Variants in CLYBL observed in about 807,000 individuals in gnomAD.
CLYBL encodes the protein citramalyl-CoA lyase, mitochondrial.
CLYBL carries 31 observed loss-of-function variants against 38.9 expected under a neutral mutation model. The ratio of observed to expected loss-of-function variants is 0.80; its 90% CI spans 0.60 to 1.08. The LOEUF is 1.08. CLYBL is among the 50% of genes least tolerant of loss of function. The pLI is 0.00. For synonymous variants in CLYBL, 171 were observed against 158.6 expected, an observed-to-expected ratio of 1.08 and a Z score of -0.59; for missense variants, 434 against 411.6, an observed-to-expected ratio of 1.05 and a Z score of -0.47.
rs373168719 is a variant in CLYBL at position 99,674,801 on chromosome 13, A to G, written c.62+68044A>G. ...TATGTCCTGGGAACCAAGTGAAAAC[A>G]GTACAGCAAGTTGGGAGGGGGTGAT... On this transcript the variant is annotated intron_variant, in intron 1 of 8. Coordinates refer to ENST00000339105, the MANE Select transcript of CLYBL (RefSeq NM_206808.5). Among the ~76,000 whole-genome samples, 6 of 152,320 alleles carry G rather than the reference A, an allele frequency of 3.9e-5. No individual in the cohort carries two copies. The East Asian group carries it at 9.6e-4, about 24-fold the overall frequency.
intron 1 of CLYBL, among the ~76,000 whole-genome samples, chr13:99,753,461 C>T (rs969820111): frequency 1.3e-4 from 20 of 152,262 alleles, no homozygotes; most frequent in African/African-American, 4.8e-4. Flanking sequence ...GCGTGCAAGG[C>T]ACAGTTAACG....
chr13:99,844,833 C>A (rs1373550513), intron 2 of CLYBL, among the ~76,000 whole-genome samples: 2 of 152,226 alleles, frequency 1.3e-5, no homozygotes, highest in Non-Finnish European at 2.9e-5. Context: ...CGTGGGCATT[C>A]AAAGTCACTG....
rs71121003 is a variant in CLYBL, at chr13:99,754,087, CAAAAAAAAAAAAA to C, written c.63-18721_63-18709del. 1.3e-4 allele frequency among the ~76,000 whole-genome samples: 6 copies of C among 45,408 alleles called. 1 individual carries two copies. The highest frequency in any genetic ancestry group is 7.8e-4 in the Admixed American group (3 of 3,864). The allele number at this position is 45,408 out of a possible 152,430, so 29.8% of individuals were successfully genotyped here. On this transcript the variant is annotated intron_variant, in intron 1 of 8. Coordinates refer to ENST00000339105, the MANE Select transcript of CLYBL (RefSeq NM_206808.5). ...GGGCGACAAGAGCGAAACTCGGTCTCAAAAAAAAAAAAAAAAAAAAAAAAAAAAGTATTAGGAC... is the reference window on the plus strand; with the variant it reads ...GGGCGACAAGAGCGAAACTCGGTCTCAAAAAAAAAAAAAAAGTATTAGGAC...
At chr13:99,727,294 G>C (rs115344419) in intron 1 of CLYBL, 3 of 152,034 alleles carry the variant, frequency 2.0e-5, no homozygotes, top group African/African-American at 4.8e-5. Context: ...GATTTCTCTC[G>C]TCTTCCAAAT....
At chr13:99,737,788 G>A (rs896132894) in intron 1 of CLYBL, among the ~76,000 whole-genome samples, 3 of 152,218 alleles carry the variant, frequency 2.0e-5, no homozygotes, top group Non-Finnish European at 4.4e-5. Flanking sequence ...GTGCTAGGCT[G>A]TAAGCTGAAT....
intron 2 of CLYBL, among the ~76,000 whole-genome samples, chr13:99,775,198 C>T (rs1471201578): frequency 6.6e-6 from 1 of 152,142 alleles, no homozygotes; most frequent in African/African-American, 2.4e-5. Flanking sequence ...TTGAGGTTGT[C>T]CTCCAATACC....
intron 2 of CLYBL, among the ~76,000 whole-genome samples, chr13:99,777,341 A>G (rs1008158862): frequency 1.9e-4 from 29 of 152,218 alleles, no homozygotes; most frequent in Middle Eastern, 6.8e-3. Flanking sequence ...TTCTCCCTCA[A>G]TACCTCCACC....
intron 7 of CLYBL, among the ~76,000 whole-genome samples, chr13:99,881,152 G>A (rs138343853): frequency 0.011 from 1,614 of 152,292 alleles, 14 homozygotes; most frequent in Non-Finnish European, 0.012. Context: ...AGTGTCTTCC[G>A]TCTGAATTCC....
rs201987216 is a variant in CLYBL at position 99,832,999 on chromosome 13, CATACATACATATATATATATATAT to C, written c.250-25858_250-25835del. 1.0e-3 allele frequency among the ~76,000 whole-genome samples: 56 copies of C among 53,694 alleles called. 2 individuals are homozygous for C. In the East Asian group the frequency reaches 0.011, roughly 10 times the overall value. The allele number at this position is 53,694 out of a possible 152,430, so 35.2% of individuals were successfully genotyped here. ...CATTTCATTAAGTAGTATATACATA[CATACATACATATATATATATATAT>C]ATATATATTTTTTTTTTTTTTTTTT... On this transcript the variant is annotated intron_variant, in intron 2 of 8. Transcript: ENST00000339105.
chr13:99,861,971 G>A (rs1354051562), intron 3 of CLYBL, among the ~76,000 whole-genome samples: 2 of 152,112 alleles, frequency 1.3e-5, no homozygotes, highest in Non-Finnish European at 2.9e-5. Context: ...CCTGCAGGGT[G>A]GTGACCTGTG....
intron 1 of CLYBL, among the ~76,000 whole-genome samples, chr13:99,645,080 T>C (rs1174869014): frequency 1.3e-5 from 2 of 152,218 alleles, no homozygotes; most frequent in Non-Finnish European, 2.9e-5. Flanking sequence ...TTTTAGTTTT[T>C]TGAGGAACCT....
At chr13:99,621,696 C>G (rs2046799589) in intron 1 of CLYBL, among the ~76,000 whole-genome samples, 1 of 152,154 alleles carries the variant, frequency 6.6e-6, no homozygotes, top group African/African-American at 2.4e-5. Flanking sequence ...CCTGGGATGA[C>G]TTTGAATACG....
intron 7 of CLYBL, among the ~76,000 whole-genome samples, chr13:99,872,257 C>T (rs1051612735): frequency 2.0e-5 from 3 of 152,320 alleles, no homozygotes; most frequent in South Asian, 4.1e-4. Flanking sequence ...GAATATATTA[C>T]GTTGGAAATA....
At chr13:99,894,180 C>T (rs2052541518), downstream of CLYBL, 1 of 152,420 alleles carries the variant, frequency 6.6e-6, no homozygotes, top group South Asian at 2.1e-4. Flanking sequence ...GGTATTCCCC[C>T]TCTTTCCCCA....
At chr13:99,688,950 G>A (rs1566610501) in intron 1 of CLYBL, among the ~76,000 whole-genome samples, 1 of 152,140 alleles carries the variant, frequency 6.6e-6, no homozygotes. Context: ...AAAGCTAGTG[G>A]TACAGATGCA....
At chr13:99,876,069 C>T (rs1265485587) in intron 7 of CLYBL, among the ~76,000 whole-genome samples, 20 of 106,640 alleles carry the variant, frequency 1.9e-4, no homozygotes, top group African/African-American at 2.5e-4. Flanking sequence ...TTCTATTTCA[C>T]TTTTTTTTTT....
At chr13:99,753,085 A>T (rs761272993) in intron 1 of CLYBL, among the ~76,000 whole-genome samples, 4 of 152,022 alleles carry the variant, frequency 2.6e-5, no homozygotes, top group Non-Finnish European at 4.4e-5. Flanking sequence ...ACATGCTGAG[A>T]TCCAGAAGAG....
At chr13:99,835,435 G>A (rs979504589) in intron 2 of CLYBL, among the ~76,000 whole-genome samples, 5 of 152,168 alleles carry the variant, frequency 3.3e-5, no homozygotes, top group African/African-American at 9.7e-5. Context: ...TTCCAGCATC[G>A]GAGATGGAGG....
chr13:99,908,685 T>TAGAAC (rs1341419682), exon 10 of CLYBL, among the ~76,000 whole-genome samples: 5 of 152,220 alleles, frequency 3.3e-5, no homozygotes, highest in African/African-American at 9.6e-5. Context: ...GTACTGTTTG[T>TAGAAC]AGAACAGACA....
Sources: allele counts gnomAD v4.1 joint callset (sites outside exome capture counted in the v4.1 genomes callset), GRCh38; gene constraint gnomAD v4.1.1; transcripts MANE v1.5; gene names NCBI Gene and HGNC (gene_info 2026-07-23, HGNC 2026-07-21).